The following ABHD6 variants were observed in gnomAD, a reference collection of about 807,000 sequenced individuals.
ABHD6 encodes monoacylglycerol lipase ABHD6.
Under a neutral mutation model 38.8 loss-of-function variants are expected in ABHD6, and 33 were observed. The ratio of observed to expected loss-of-function variants is 0.85; its 90% CI spans 0.64 to 1.14. The LOEUF is 1.14. ABHD6 is among the 50% of genes most tolerant of loss of function. The probability of loss-of-function intolerance (pLI) is 0.00; values close to 1 mark genes in which losing one functional copy is unlikely to be tolerated. For missense variants in ABHD6, 380 were observed against 422.6 expected (o/e 0.90, Z 0.88); for synonymous variants, 147 against 161.6 (o/e 0.91, Z 0.69).
chr3:58,262,252 T>C (rs917173768), intron 3 of ABHD6, among the ~76,000 whole-genome samples: 8 of 152,216 alleles, frequency 5.3e-5, no homozygotes, highest in African/African-American at 1.7e-4. Flanking sequence ...AAATGGATAG[T>C]GGTGGTAGTT....
chr3:58,252,798 C>T (rs1007062375), intron 2 of ABHD6, among the ~76,000 whole-genome samples: 4 of 152,168 alleles, frequency 2.6e-5, no homozygotes, highest in Non-Finnish European at 5.9e-5. Flanking sequence ...CCAGCCTCTC[C>T]CTGGGGTACA....
intron 3 of ABHD6, among the ~76,000 whole-genome samples, chr3:58,262,294 A>C (rs1395328131): frequency 6.6e-6 from 1 of 152,220 alleles, no homozygotes; most frequent in Non-Finnish European, 1.5e-5. Flanking sequence ...TTGATCGTAC[A>C]CTTGTTAAAA....
At chr3:58,264,789 G>C (rs1018987850) in intron 3 of ABHD6, among the ~76,000 whole-genome samples, 1 of 151,954 alleles carries the variant, frequency 6.6e-6, no homozygotes, top group African/African-American at 2.4e-5. Flanking sequence ...GGGGTACATA[G>C]TAGGTATATA....
At position 58,265,061 on chromosome 3, in the gene ABHD6, A is replaced by G. The variant is rs1232511316; in HGVS notation, c.120-2128A>G. On this transcript the variant is annotated intron_variant, in intron 3 of 9. Transcript: ENST00000478253. The surrounding 1 kb of genome is among the most constrained non-coding windows in gnomAD (Gnocchi z 4.2). ...TCCCCTACCCCCAGCTACTCATCTC[A>G]GCCTCTGGTAACCATCCTTCTACTA... Among the ~76,000 whole-genome samples, 1 of 152,012 alleles carries G rather than the reference A, an allele frequency of 6.6e-6. No individual in the cohort carries two copies. The highest frequency in any genetic ancestry group is 1.9e-4 in the East Asian group (1 of 5,190).
intron 7 of ABHD6, among the ~76,000 whole-genome samples, chr3:58,282,481 C>T (rs147986174): frequency 1.3e-5 from 2 of 151,972 alleles, no homozygotes; most frequent in African/African-American, 4.8e-5. Context: ...CCTGTATTCC[C>T]AGCACTTTGG....
intron 9 of ABHD6, among the ~76,000 whole-genome samples, chr3:58,292,990 C>T (rs2097464324): frequency 6.6e-6 from 1 of 152,180 alleles, no homozygotes; most frequent in South Asian, 2.1e-4. Flanking sequence ...CTTGGGCTGC[C>T]CTAACCAGCC....
intron 9 of ABHD6, among the ~76,000 whole-genome samples, chr3:58,289,688 C>A (rs575347613): frequency 6.6e-6 from 1 of 152,216 alleles, no homozygotes; most frequent in African/African-American, 2.4e-5. Context: ...CCCCACCTTT[C>A]CCCCCTTTCT....
intron 1 of ABHD6, among the ~76,000 whole-genome samples, chr3:58,242,316 G>C (rs77944708): frequency 0.013 from 1,906 of 152,310 alleles, 35 homozygotes; most frequent in African/African-American, 0.044. Context: ...AATTAGCAGA[G>C]AGGAAGAGAA....
Position 58,287,632 on chromosome 3 carries a change from A to G in ABHD6, c.837+2179A>G, listed in dbSNP as rs866490020. Among the ~76,000 whole-genome samples the G allele has an allele frequency of 1.1e-4, 16 of 152,316 alleles. No individual in the cohort carries two copies. Among genetic ancestry groups the G allele is most frequent in the Middle Eastern group, 6.8e-3 (2 of 294 alleles). On this transcript the variant is annotated intron_variant, in intron 9 of 9. Coordinates refer to ENST00000478253, the MANE Select transcript of ABHD6 (RefSeq NM_001320126.2). This position sits in a 1 kb window ranked among gnomAD's most constrained non-coding sequence, Gnocchi z 4.7. ...CCAGCAGAGAGTCATTTGATCAGGA[A>G]TCAGAGCCTGAGCAGCGAAGGCCTT...
intron 3 of ABHD6, among the ~76,000 whole-genome samples, chr3:58,262,936 G>A (rs544598263): frequency 2.2e-4 from 34 of 152,288 alleles, no homozygotes; most frequent in Non-Finnish European, 3.7e-4. Flanking sequence ...GAGGCTAGGC[G>A]TTGTGGCCCA....
At chr3:58,262,356 A>G (rs1222807688) in intron 3 of ABHD6, among the ~76,000 whole-genome samples, 2 of 152,216 alleles carry the variant, frequency 1.3e-5, no homozygotes, top group Non-Finnish European at 2.9e-5. Flanking sequence ...AAAATCTGTA[A>G]GTACTTTTCT....
intron 6 of ABHD6, among the ~76,000 whole-genome samples, chr3:58,271,322 C>T (rs559522023): frequency 9.8e-6 from 1 of 101,550 alleles, no homozygotes; most frequent in East Asian, 3.6e-4. Flanking sequence ...TGCCTGTAAA[C>T]ATTTAAAATT....
chr3:58,252,471 C>T (rs544191100), intron 2 of ABHD6, among the ~76,000 whole-genome samples: 6 of 152,064 alleles, frequency 3.9e-5, no homozygotes, highest in Non-Finnish European at 8.8e-5. Context: ...GTCTCGGCCT[C>T]CCAAAGTGCT....
chr3:58,256,822 A>C lies in ABHD6; in HGVS notation c.119+117A>C. 1.1e-6 allele frequency: 1 copy of C among 873,464 alleles called. No homozygotes were observed. Among genetic ancestry groups the C allele is most frequent in the Non-Finnish European group, 1.8e-6 (1 of 553,814 alleles). 54.1% of individuals were successfully genotyped at this position (873,464 alleles called of 1,614,324 possible). A position where few individuals can be genotyped will look rare whatever the true frequency, so the allele number is the denominator to read the frequency against. On this transcript the variant is annotated intron_variant, in intron 3 of 9. Coordinates refer to ENST00000478253, the MANE Select transcript of ABHD6 (RefSeq NM_001320126.2). This position sits in a 1 kb window ranked among gnomAD's most constrained non-coding sequence, Gnocchi z 4.3. The stretch of plus-strand genomic sequence containing the variant: ...ATCAGGAAGTATTTCAGACAGAGAG[A>C]AAAGTTGAAAGGTACTCATCCTGTT...
chr3:58,256,497 T>C lies in ABHD6; in HGVS notation c.-25-65T>C. ...GGAACTTCACTTTTCTTGTCCCCTT[T>C]ACTTCTTCGCCTTTTTTCCTTTGAT... On this transcript the variant is annotated intron_variant, in intron 2 of 9. Transcript: ENST00000478253. The surrounding 1 kb of genome is among the most constrained non-coding windows in gnomAD (Gnocchi z 4.3). 1.0e-6 allele frequency: 1 copy of C among 965,042 alleles called. No homozygotes were observed. The highest frequency in any genetic ancestry group is 1.6e-5 in the South Asian group (1 of 63,820). 59.8% of individuals were successfully genotyped at this position (965,042 alleles called of 1,614,324 possible). A position where few individuals can be genotyped will look rare whatever the true frequency, so the allele number is the denominator to read the frequency against.
In ABHD6 at chr3:58,273,341, C is replaced by T. The variant is rs1417149224; in HGVS notation, c.524-1317C>T. Among the ~76,000 whole-genome samples the T allele has an allele frequency of 1.3e-5, 2 of 152,010 alleles. No homozygotes were observed. The highest frequency in any genetic ancestry group is 2.4e-5 in the African/African-American group (1 of 41,384). On this transcript the variant is annotated intron_variant, in intron 6 of 9. Transcript: ENST00000478253. The surrounding 1 kb of genome is among the most constrained non-coding windows in gnomAD (Gnocchi z 4.8). ...TTGGGAGGCTAAGAGAGGAGGATTG[C>T]TTGAGGCCAGGAGTTCAAGACCAGC...
At position 58,269,413 on chromosome 3, in the gene ABHD6, G is replaced by T; in HGVS notation, c.369G>T (p.Gly123=). Residue 123 remains glycine, a synonymous_variant, in exon 5 of 10, where the codon GGG becomes GGT. Transcript: ENST00000478253. The surrounding 1 kb of genome is among the most constrained non-coding windows in gnomAD (Gnocchi z 4.4). ...CCCTGGATGACCTGTCCATAGATGG[G>T]CAAGTTAAGAGGATACACCAGGTAA... The part of the protein sequence containing the change: ...RSSLDDLSID[G]QVKRIHQFVE... The T allele has an allele frequency of 6.2e-7, 1 of 1,613,684 alleles. No homozygotes were observed. Among genetic ancestry groups the T allele is most frequent in the Non-Finnish European group, 8.5e-7 (1 of 1,179,756 alleles).
chr3:58,246,064 C>G (rs1478627407), intron 1 of ABHD6, among the ~76,000 whole-genome samples: 1 of 152,190 alleles, frequency 6.6e-6, no homozygotes, highest in African/African-American at 2.4e-5. Context: ...GGTGACCTGG[C>G]TGATGACAGT....
chr3:58,260,244 G>A (rs191355781), intron 3 of ABHD6, among the ~76,000 whole-genome samples: 1 of 152,302 alleles, frequency 6.6e-6, no homozygotes, highest in East Asian at 1.9e-4. Flanking sequence ...ATGGATGCAT[G>A]GGGTCTTAAA....
Sources: gnomAD v4.1 joint callset for allele counts (sites outside exome capture counted in the v4.1 genomes callset) on GRCh38, gnomAD v4.1.1 for gene constraint, Gnocchi (gnomAD v3.1) non-coding constraint, MANE v1.5 for transcripts, NCBI Gene and HGNC (gene_info 2026-07-23, HGNC 2026-07-21) for gene names.